The following NWD1 variants were observed in gnomAD, a reference collection of about 807,000 sequenced individuals.
NWD1 encodes NACHT and WD repeat domain containing 1.
A neutral mutation model predicts 135.1 loss-of-function variants in NWD1; 129 were observed. That is an observed-to-expected ratio of 0.96 (90% CI 0.83 to 1.11). The LOEUF (loss-of-function observed/expected upper bound fraction) is 1.11. Among genes scored for constraint, NWD1 ranks in the 50% least tolerant of loss-of-function variants. NWD1 has a pLI of 0.00. For missense variants in NWD1, 1,740 were observed against 1,851.3 expected (o/e 0.94, Z 1.10); for synonymous variants, 773 against 786.0 (o/e 0.98, Z 0.28).
intron 4 of NWD1, among the ~76,000 whole-genome samples, chr19:16,740,509 T>A (rs868576925): frequency 1.4e-4 from 21 of 151,986 alleles, no homozygotes; most frequent in South Asian, 4.2e-4. Context: ...CTAATTTTTT[T>A]ATATTTTTAG....
intron 12 of NWD1, among the ~76,000 whole-genome samples, chr19:16,787,631 G>A (rs950662911): frequency 2.6e-5 from 4 of 151,992 alleles, no homozygotes; most frequent in Admixed American, 1.3e-4. Flanking sequence ...AGGCCGAGGC[G>A]GGTGGATCAC....
At chr19:16,793,418 T>C (rs1970314639) in intron 14 of NWD1, among the ~76,000 whole-genome samples, 1 of 151,720 alleles carries the variant, frequency 6.6e-6, no homozygotes, top group Non-Finnish European at 1.5e-5. Flanking sequence ...TATTATTATT[T>C]TGTAGAGGTG....
chr19:16,798,024 A>G (rs1849421855), intron 16 of NWD1, 138 bp downstream of exon 16: 2 of 739,850 alleles, frequency 2.7e-6, no homozygotes, highest in South Asian at 3.4e-5. Flanking sequence ...TTGGGAGGAT[A>G]TGGGGGTGTA....
chr19:16,783,438 C>T (rs1228145708), intron 12 of NWD1, among the ~76,000 whole-genome samples: 1 of 152,032 alleles, frequency 6.6e-6, no homozygotes, highest in Non-Finnish European at 1.5e-5. Flanking sequence ...AGTTTGAGAC[C>T]AGCCTGGCTA....
chr19:16,774,404 C>A (rs1969527672), intron 11 of NWD1, among the ~76,000 whole-genome samples: 2 of 149,968 alleles, frequency 1.3e-5, no homozygotes, highest in South Asian at 4.3e-4. Context: ...ATCCATCTAT[C>A]CCCCATCTCT....
chr19:16,721,242 A>G (rs1967125986), intron 1 of NWD1, among the ~76,000 whole-genome samples: 1 of 151,940 alleles, frequency 6.6e-6, no homozygotes, highest in African/African-American at 2.4e-5. Flanking sequence ...GCTTTGCAAC[A>G]TCCTAAAATG....
At chr19:16,754,457 C>T (rs1248206592) in intron 6 of NWD1, among the ~76,000 whole-genome samples, 2 of 143,878 alleles carry the variant, frequency 1.4e-5, no homozygotes, top group Admixed American at 1.4e-4. Context: ...TCCATCATCT[C>T]TATTTTCCAT....
At chr19:16,753,533 C>A (rs1040910578) in intron 6 of NWD1, among the ~76,000 whole-genome samples, 4 of 152,116 alleles carry the variant, frequency 2.6e-5, no homozygotes, top group African/African-American at 9.7e-5. Flanking sequence ...GGCTAGAGGT[C>A]GTCACCTCAG....
chr19:16,744,661 G>C lies in NWD1; in HGVS notation c.439G>C (p.Glu147Gln). The change falls in exon 5 of 19, where the codon GAG (glutamate) becomes CAG (glutamine). Residue 147 changes from glutamate (E) to glutamine (Q), a missense_variant. Physicochemically the swap from Glu to Gln is conservative, Grantham distance 29. Transcript: ENST00000524140. ...LTSVLRSGAQ[E>Q]ARRLGLITQE... ...TTCTGTCCTACGCTCTGGAGCCCAGGAGGCCCGGAGGCTGGGGCTCATCAC... is the reference window on the plus strand; with the variant it reads ...TTCTGTCCTACGCTCTGGAGCCCAGCAGGCCCGGAGGCTGGGGCTCATCAC... The C allele has an allele frequency of 4.6e-6, 7 of 1,536,052 alleles. No individual in the cohort carries two copies. Among genetic ancestry groups the C allele is most frequent in the Non-Finnish European group, 6.1e-6 (7 of 1,146,892 alleles).
chr19:16,724,691 C>CA (rs1396557931), intron 2 of NWD1, among the ~76,000 whole-genome samples: 5 of 151,878 alleles, frequency 3.3e-5, no homozygotes, highest in African/African-American at 7.2e-5. Flanking sequence ...CCCATTTCTA[C>CA]AAAAAAAATA....
At chr19:16,779,490 TG>T (rs1207899008) in intron 12 of NWD1, 25 bp downstream of exon 12, 1 of 1,608,846 alleles carries the variant, frequency 6.2e-7, no homozygotes, top group Non-Finnish European at 8.5e-7. Context: ...GTGGGCTTTG[TG>T]GTCAGCTTCC....
chr19:16,750,493 C>A, intron 6 of NWD1, 82 bp downstream of exon 6: 2 of 1,142,710 alleles, frequency 1.8e-6, no homozygotes, highest in Non-Finnish European at 2.4e-6. Flanking sequence ...CTGGCTATGT[C>A]ACCCAGGCTG....
intron 6 of NWD1, among the ~76,000 whole-genome samples, chr19:16,751,828 A>G (rs544966413): frequency 6.6e-6 from 1 of 150,878 alleles, no homozygotes; most frequent in East Asian, 1.9e-4. Flanking sequence ...GAAGGAAGGA[A>G]GGAAGGAAGG....
rs751886416 is a variant in NWD1 at position 16,749,818 on chromosome 19, G to T, written c.1176G>T (p.Gln392His). Reference protein sequence around the residue: ...ARGLLKSICFQVCLAYGLPLP... With the variant: ...ARGLLKSICFHVCLAYGLPLP... ...GCCTGCTGAAGAGCATCTGCTTCCA[G>T]GTGTGCCTGGCCTATGGGCTGCCCT... Residue 392 changes from glutamine (Q) to histidine (H), a missense_variant, in exon 6 of 19, where the codon CAG becomes CAT. Coordinates refer to ENST00000524140, the MANE Select transcript of NWD1 (RefSeq NM_001007525.5). 1 of 1,608,522 alleles carries T rather than the reference G, an allele frequency of 6.2e-7. No homozygotes were observed. Among genetic ancestry groups the T allele is most frequent in the South Asian group, 1.1e-5 (1 of 90,506 alleles).
intron 4 of NWD1, among the ~76,000 whole-genome samples, chr19:16,739,733 C>A (rs749619319): frequency 1.3e-5 from 2 of 152,152 alleles, no homozygotes; most frequent in South Asian, 2.1e-4. Context: ...TTAGGCAGCA[C>A]CGAGGCCGGG....
intron 9 of NWD1, among the ~76,000 whole-genome samples, chr19:16,764,369 A>G (rs199652995): frequency 0.35 from 44,889 of 129,602 alleles, 6,872 homozygotes; most frequent in Middle Eastern, 0.52. Flanking sequence ...CTGTCCATCC[A>G]TCCATCCATC....
At chr19:16,787,087 T>C (rs1953216891) in intron 12 of NWD1, among the ~76,000 whole-genome samples, 1 of 152,170 alleles carries the variant, frequency 6.6e-6, no homozygotes, top group Admixed American at 6.6e-5. Context: ...GCCTTCCAAA[T>C]TGTACGTTTT....
At chr19:16,738,231 A>G in intron 4 of NWD1, 1 of 454,938 alleles carries the variant, frequency 2.2e-6, no homozygotes. Flanking sequence ...TCCAGGAGAA[A>G]TGTGCTGATC....
At chr19:16,790,237 G>A (rs1970195145) in intron 13 of NWD1, among the ~76,000 whole-genome samples, 1 of 152,128 alleles carries the variant, frequency 6.6e-6, no homozygotes, top group Admixed American at 6.6e-5. Flanking sequence ...GACCTTGGTT[G>A]TGTCATTCAC....
Sources: allele counts gnomAD v4.1 joint callset (sites outside exome capture counted in the v4.1 genomes callset), GRCh38; gene constraint gnomAD v4.1.1; transcripts MANE v1.5; gene names NCBI Gene and HGNC (gene_info 2026-07-23, HGNC 2026-07-21).